HYDIN: variants seen among roughly 807,000 people sequenced by gnomAD.
The protein encoded by HYDIN is axonemal central pair apparatus protein HYDIN.
A neutral mutation model predicts 403.9 loss-of-function variants in HYDIN; 132 were observed. The observed-to-expected ratio is 0.33, with a 90% CI of 0.28 to 0.38. The LOEUF is 0.38. Among genes scored for constraint, HYDIN ranks in the 10% least tolerant of loss-of-function variants. The pLI is 1.00. For missense variants in HYDIN, 2,827 were observed against 5,009.5 expected (o/e 0.56, Z 13.15); for synonymous variants, 1,202 against 1,891.7 (o/e 0.64, Z 9.46).
intron 9 of HYDIN, among the ~76,000 whole-genome samples, chr16:71,124,285 G>A (rs561609057): frequency 1.8e-4 from 28 of 152,358 alleles, no homozygotes; most frequent in African/African-American, 6.0e-4. Flanking sequence ...GTTGGCAGGT[G>A]GTAAGACAGA....
intron 30 of HYDIN, among the ~76,000 whole-genome samples, chr16:70,976,257 C>A (rs1254972320): frequency 6.6e-6 from 1 of 152,252 alleles, no homozygotes. Context: ...GAGGGGCAGA[C>A]TTCCTTCTGT....
In HYDIN at chr16:70,941,727, G is replaced by T; in HGVS notation, c.6762C>A (p.Ala2254=). 1 of 1,594,210 alleles carries T rather than the reference G, an allele frequency of 6.3e-7. No homozygotes were observed. Among genetic ancestry groups the T allele is most frequent in the East Asian group, 2.3e-5 (1 of 43,294 alleles). ...AAAALLCLLK[A]IGSREHIYIL... ...TGTATATATGCTCCCGGCTGCCAAT[G>T]GCCTTCAGCAGGCAGAGGAGGGCGG... The change falls in exon 43 of 86, where the codon GCC becomes GCA. Residue 2254 remains alanine, a synonymous_variant. Transcript: ENST00000393567.
intron 46 of HYDIN, among the ~76,000 whole-genome samples, chr16:70,919,314 T>C (rs577121664): frequency 2.0e-5 from 3 of 152,208 alleles, no homozygotes; most frequent in Non-Finnish European, 2.9e-5. Flanking sequence ...ATAGTCCTTT[T>C]TTTAAAAAAA....
chr16:71,185,783 G>A (rs1477236932), intron 2 of HYDIN, among the ~76,000 whole-genome samples: 1 of 152,140 alleles, frequency 6.6e-6, no homozygotes, highest in African/African-American at 2.4e-5. Context: ...ATGATCATTG[G>A]CAGCTACACA....
chr16:70,954,800 T>G (rs2078182213), intron 40 of HYDIN, among the ~76,000 whole-genome samples: 1 of 152,232 alleles, frequency 6.6e-6, no homozygotes, highest in East Asian at 1.9e-4. Flanking sequence ...CAATAGCTCT[T>G]TTCCTTGAAC....
At chr16:70,991,127 C>A (rs1168845356) in intron 25 of HYDIN, among the ~76,000 whole-genome samples, 191 bp downstream of exon 25, 1 of 152,144 alleles carries the variant, frequency 6.6e-6, no homozygotes, top group East Asian at 1.9e-4. Flanking sequence ...GGTGTAGGAA[C>A]ATCACAAGTG....
In HYDIN at chr16:71,012,335, G is replaced by A. The variant is rs375036202; in HGVS notation, c.3644+5794C>T. Among the ~76,000 whole-genome samples the A allele has an allele frequency of 1.0e-3, 156 of 152,350 alleles. 1 individual carries two copies. Among genetic ancestry groups the A allele is most frequent in the African/African-American group, 3.6e-3 (151 of 41,580 alleles). On this transcript the variant is annotated intron_variant, in intron 23 of 85. Transcript: ENST00000393567. ...CTCATTACATGCAGATGTGGGAGGG[G>A]GAGAGACCACCATCCACCATGGTTG...
chr16:71,039,453 C>T (rs2081209931), intron 18 of HYDIN, among the ~76,000 whole-genome samples: 2 of 152,138 alleles, frequency 1.3e-5, no homozygotes, highest in South Asian at 2.1e-4. Flanking sequence ...GCTGAAAAGC[C>T]GGAACCTGTG....
chr16:70,820,359 T>G (rs1210568710), intron 83 of HYDIN, among the ~76,000 whole-genome samples: 2 of 150,610 alleles, frequency 1.3e-5, no homozygotes, highest in African/African-American at 2.4e-5. Context: ...CCTGGCTAAT[T>G]TTTTTGTGTT....
intron 10 of HYDIN, among the ~76,000 whole-genome samples, chr16:71,098,437 CAAGAT>C (rs2144399204): frequency 6.6e-6 from 1 of 151,920 alleles, no homozygotes; most frequent in South Asian, 2.1e-4. Flanking sequence ...CTCCCAACCT[CAAGAT>C]CCGCCCGCCT....
chr16:70,940,666 G>A (rs1307968635), intron 43 of HYDIN, among the ~76,000 whole-genome samples: 13 of 152,020 alleles, frequency 8.6e-5, no homozygotes, highest in Non-Finnish European at 1.6e-4. Context: ...CTGGAGGCTG[G>A]ATGACTGCTG....
chr16:70,884,668 T>C (rs572552162), intron 58 of HYDIN, among the ~76,000 whole-genome samples: 1 of 150,036 alleles, frequency 6.7e-6, no homozygotes, highest in Admixed American at 6.7e-5. Flanking sequence ...GCATCTGGTA[T>C]GGAATTAGTG....
In HYDIN at chr16:71,172,583, T is replaced by C. The variant is rs927722246; in HGVS notation, c.516+3024A>G. On this transcript the variant is annotated intron_variant, in intron 5 of 85. Coordinates refer to ENST00000393567, the MANE Select transcript of HYDIN (RefSeq NM_001270974.2). ...CAAAGTAAATTTGCTGCACCTGTTA[T>C]CTGGGCATTTGGCATTCTTAACAAG... 2.6e-5 allele frequency among the ~76,000 whole-genome samples: 4 copies of C among 152,310 alleles called. 1 individual carries two copies. The highest frequency in any genetic ancestry group is 2.6e-4 in the Admixed American group (4 of 15,296).
chr16:70,840,119 T>C lies in HYDIN; in HGVS notation c.12988A>G (p.Met4330Val), dbSNP rs1465916693. ...ACCAGGGTTTGTTTGTATGGGGGCATCCCAGCTTGATAGATAAAGCAGGTC... is the reference window on the plus strand; with the variant it reads ...ACCAGGGTTTGTTTGTATGGGGGCACCCCAGCTTGATAGATAAAGCAGGTC... ...FGTCFIYQAG[M>V]PPYKQTLVIT... The change falls in exon 76 of 86, where the codon ATG becomes GTG. Residue 4330 changes from methionine to valine, a missense_variant. By Grantham distance (21) the Met-to-Val change is conservative (BLOSUM62 1). Transcript: ENST00000393567. 2.3e-6 allele frequency: 2 copies of C among 866,320 alleles called. No individual in the cohort carries two copies. Among genetic ancestry groups the C allele is most frequent in the African/African-American group, 4.1e-5 (2 of 48,546 alleles). 53.7% of individuals were successfully genotyped at this position (866,320 alleles called of 1,614,324 possible).
At chr16:71,020,574 C>G (rs1302909641) in intron 21 of HYDIN, among the ~76,000 whole-genome samples, 1 of 152,082 alleles carries the variant, frequency 6.6e-6, no homozygotes, top group East Asian at 1.9e-4. Flanking sequence ...TTTGGGAGGC[C>G]AAGGCCAGTG....
intron 10 of HYDIN, among the ~76,000 whole-genome samples, chr16:71,102,039 G>A (rs1046105418): frequency 1.7e-4 from 26 of 151,942 alleles, no homozygotes; most frequent in African/African-American, 6.3e-4. Flanking sequence ...GTGAATCTCA[G>A]CAAAACAAAT....
At chr16:71,162,852 A>C in intron 5 of HYDIN, 122 bp from the exon 6 acceptor site, 2 of 595,536 alleles carry the variant, frequency 3.4e-6, no homozygotes, top group Non-Finnish European at 6.0e-6. Flanking sequence ...CTATGAAAAC[A>C]TCTTAAAACA....
chr16:70,968,722 T>C (rs1386879744), intron 36 of HYDIN, among the ~76,000 whole-genome samples: 1 of 152,096 alleles, frequency 6.6e-6, no homozygotes, highest in African/African-American at 2.4e-5. Context: ...CATAACATAA[T>C]ACCAAAAACG....
intron 76 of HYDIN, 113 bp downstream of exon 76, chr16:70,839,951 T>G: frequency 1.3e-6 from 1 of 744,006 alleles, no homozygotes; most frequent in Non-Finnish European, 2.1e-6. Context: ...TGTTTGACTC[T>G]TTCCCATAAT....
Sources: allele counts gnomAD v4.1 joint callset (sites outside exome capture counted in the v4.1 genomes callset), GRCh38; gene constraint gnomAD v4.1.1; transcripts MANE v1.5; gene names NCBI Gene and HGNC (gene_info 2026-07-23, HGNC 2026-07-21).